Variants in GTF2F1 observed in about 807,000 individuals in gnomAD.
GTF2F1 encodes general transcription factor IIF subunit 1, also known as general transcription factor IIF 74 kDa subunit.
A neutral mutation model predicts 63.5 loss-of-function variants in GTF2F1; 39 were observed. That is an observed-to-expected ratio of 0.61 (90% CI 0.48 to 0.80). The LOEUF (loss-of-function observed/expected upper bound fraction) is 0.80. Ranked by LOEUF, GTF2F1 falls within the 30% of genes least tolerant of loss-of-function variation. The probability of loss-of-function intolerance (pLI) is 0.00; values close to 1 mark genes in which losing one functional copy is unlikely to be tolerated. For missense variants in GTF2F1, 657 were observed against 718.3 expected (o/e 0.91, Z 0.97); for synonymous variants, 287 against 285.3 (o/e 1.01, Z -0.06).
chr19:6,380,472 T>G lies in GTF2F1; in HGVS notation c.1363A>C (p.Thr455Pro), dbSNP rs747440550. The G allele has an allele frequency of 1.2e-6, 2 of 1,613,864 alleles. No individual in the cohort carries two copies. Among genetic ancestry groups the G allele is most frequent in the African/African-American group, 2.7e-5 (2 of 74,896 alleles). The change falls in exon 13 of 13, where the codon ACT (threonine) becomes CCT (proline). Residue 455 changes from threonine (T) to proline (P), a missense_variant. By Grantham distance (38) the Thr-to-Pro change is conservative (BLOSUM62 -1). This residue lies in a region of GTF2F1 where 55 missense variants were observed against 92.6 expected (regional missense o/e 0.59). Coordinates refer to ENST00000394456, the MANE Select transcript of GTF2F1 (RefSeq NM_002096.3). The surrounding 1 kb of genome is among the most constrained non-coding windows in gnomAD (Gnocchi z 5.3). ...AGGTAGCGGCGCACGGCATCCTCAG[T>G]CACCTGCACGTCGCTGAGGATGGGA... ...TTPNSGDVQVTEDAVRRYLTR... is the reference protein window; with the variant it reads ...TTPNSGDVQVPEDAVRRYLTR...
Position 6,383,027 on chromosome 19 carries a change from G to A in GTF2F1, c.682+284C>T, listed in dbSNP as rs182416135. On this transcript the variant is annotated intron_variant, in intron 6 of 12. Coordinates refer to ENST00000394456, the MANE Select transcript of GTF2F1 (RefSeq NM_002096.3). The surrounding 1 kb of genome is among the most constrained non-coding windows in gnomAD (Gnocchi z 4.5). ...AGCAATTCTCCTGCCTCAGTCTCCC[G>A]AGTAGCTGGCACTAGAGGCATGCAC... Among the ~76,000 whole-genome samples, 6 of 152,140 alleles carry A rather than the reference G, an allele frequency of 3.9e-5. No homozygotes were observed. Among genetic ancestry groups the A allele is most frequent in the Middle Eastern group, 3.4e-3 (1 of 294 alleles).
Position 6,380,600 on chromosome 19 carries a change from G to T in GTF2F1, c.1322C>A (p.Pro441Gln). 6.2e-7 allele frequency: 1 copy of T among 1,613,996 alleles called. No homozygotes were observed. The highest frequency in any genetic ancestry group is 8.5e-7 in the Non-Finnish European group (1 of 1,179,986). ...SLSGKSTPQP[P>Q]SGKTTPNSGD... ...GCTGTTGGGTGTTGTCTTGCCTGAT[G>T]GTGGCTGGGGTGTCGACTTCCCAGA... The change falls in exon 12 of 13, where the codon CCA becomes CAA. Residue 441 changes from proline to glutamine, a missense_variant. By Grantham distance (76) the Pro-to-Gln change is moderately conservative. Around this residue, in one of 2 missense-constraint regions of GTF2F1, gnomAD observed 602 missense variants for 625.6 expected, o/e 0.96. Transcript: ENST00000394456. This position sits in a 1 kb window ranked among gnomAD's most constrained non-coding sequence, Gnocchi z 5.3.
In GTF2F1 at chr19:6,381,353, C is replaced by G. The variant is rs759440788; in HGVS notation, c.1018+6G>C. On this transcript the variant is annotated splice_donor_region_variant and intron_variant, in intron 9 of 12. Transcript: ENST00000394456. The surrounding 1 kb of genome is among the most constrained non-coding windows in gnomAD (Gnocchi z 4.1). ...GCCTCCAATATGGGGGCCACATGCG[C>G]CGCACCTTTCCTGCGCTTCTTCTCC... 6.3e-7 allele frequency: 1 copy of G among 1,584,308 alleles called. No homozygotes were observed. Among genetic ancestry groups the G allele is most frequent in the Non-Finnish European group, 8.6e-7 (1 of 1,165,286 alleles).
chr19:6,389,804 A>G, intron 3 of GTF2F1, 167 bp from the exon 4 acceptor site: 4 of 587,310 alleles, frequency 6.8e-6, no homozygotes. Context: ...ATCTGGGTAA[A>G]GGGAATTTGG....
In GTF2F1 at chr19:6,383,599, G is replaced by T; in HGVS notation, c.498-104C>A. On this transcript the variant is annotated intron_variant, in intron 5 of 12. Coordinates refer to ENST00000394456, the MANE Select transcript of GTF2F1 (RefSeq NM_002096.3). The surrounding 1 kb of genome is among the most constrained non-coding windows in gnomAD (Gnocchi z 4.5). ...GCACCACCCACATAGCCTTCAAGGT[G>T]ATGTGGCCCCCGGGGACTTGGGCTG... The T allele has an allele frequency of 1.6e-6, 2 of 1,226,280 alleles. No homozygotes were observed. The highest frequency in any genetic ancestry group is 1.2e-6 in the Non-Finnish European group (1 of 865,676). The allele number at this position is 1,226,280 out of a possible 1,614,324, so 76.0% of individuals were successfully genotyped here. A position where few individuals can be genotyped will look rare whatever the true frequency, so the allele number is the denominator to read the frequency against.
chr19:6,382,488 C>T (rs1164223564), intron 6 of GTF2F1, among the ~76,000 whole-genome samples: 4 of 151,924 alleles, frequency 2.6e-5, no homozygotes, highest in African/African-American at 9.7e-5. Context: ...AAAAATTAGC[C>T]AGCATGGTGG....
intron 4 of GTF2F1, among the ~76,000 whole-genome samples, chr19:6,387,819 G>A (rs1428921484): frequency 6.6e-6 from 1 of 150,798 alleles, no homozygotes; most frequent in African/African-American, 2.4e-5. Context: ...GATTATCTCA[G>A]GAGAGCCCAA....
chr19:6,383,417 C>T lies in GTF2F1; in HGVS notation c.576G>A (p.Glu192=). The T allele has an allele frequency of 6.2e-7, 1 of 1,614,262 alleles. No individual in the cohort carries two copies. Among genetic ancestry groups the T allele is most frequent in the Non-Finnish European group, 8.5e-7 (1 of 1,180,052 alleles). The change falls in exon 6 of 13, where the codon GAG becomes GAA. Residue 192 remains glutamate, a synonymous_variant. Transcript: ENST00000394456. The surrounding 1 kb of genome is among the most constrained non-coding windows in gnomAD (Gnocchi z 4.5). The part of the protein sequence containing the change: ...LKDQDQDEDE[E]EKEKRGRRKA... ...TCCTGCGGCCACGTTTCTCCTTCTC[C>T]TCCTCATCCTCGTCCTGGTCCTGAT... is the stretch of plus-strand genomic sequence containing the variant.
Position 6,380,246 on chromosome 19 carries a change from G to A in GTF2F1, c.*35C>T. 1 of 1,567,952 alleles carries A rather than the reference G, an allele frequency of 6.4e-7. No homozygotes were observed. The highest frequency in any genetic ancestry group is 1.1e-5 in the South Asian group (1 of 90,190). ...GGCGAAGGGGCAGTGAGAGCCTTAA[G>A]TTCTGGGGGGCAGAGCCATGTATTG... On this transcript the variant is annotated 3_prime_UTR_variant, in exon 13 of 13. Coordinates refer to ENST00000394456, the MANE Select transcript of GTF2F1 (RefSeq NM_002096.3). The surrounding 1 kb of genome is among the most constrained non-coding windows in gnomAD (Gnocchi z 5.3).
rs148016023 is a variant in GTF2F1 at position 6,387,414 on chromosome 19, C to T, written c.472G>A (p.Glu158Lys). The T allele has an allele frequency of 6.2e-6, 10 of 1,614,198 alleles. No individual in the cohort carries two copies. The East Asian group carries it at 8.9e-5, about 14-fold the overall frequency. Residue 158 changes from glutamate (E) to lysine (K), a missense_variant, in exon 5 of 13, where the codon GAG becomes AAG. By Grantham distance (56) the Glu-to-Lys change is moderately conservative. Around this residue, in one of 2 missense-constraint regions of GTF2F1, gnomAD observed 602 missense variants for 625.6 expected, o/e 0.96. Transcript: ENST00000394456. ...PLARHRTLTA[E>K]EAEEEWERRN... ...CTCTCCCACTCCTCCTCGGCCTCCT[C>T]GGCAGTGAGCGTGCGATGCCGGGCC...
intron 6 of GTF2F1, among the ~76,000 whole-genome samples, chr19:6,382,055 G>A (rs34695328): frequency 0.093 from 14,184 of 151,780 alleles, 900 homozygotes; most frequent in Non-Finnish European, 0.14. Flanking sequence ...CTTCTCTAGC[G>A]CTCACAGACC....
At position 6,380,853 on chromosome 19, in the gene GTF2F1, C is replaced by A; in HGVS notation, c.1231+51G>T. 1 of 1,520,910 alleles carries A rather than the reference C, an allele frequency of 6.6e-7. No individual in the cohort carries two copies. Among genetic ancestry groups the A allele is most frequent in the South Asian group, 1.3e-5 (1 of 79,950 alleles). The allele number at this position is 1,520,910 out of a possible 1,614,324, so 94.2% of individuals were successfully genotyped here. ...CTCTGTCCTGAGCCCCAACAGAGGT[C>A]AGGAGGCTGTGGCTGTGGCTGTGGG... On this transcript the variant is annotated intron_variant, in intron 11 of 12. Transcript: ENST00000394456. This position sits in a 1 kb window ranked among gnomAD's most constrained non-coding sequence, Gnocchi z 5.3.
chr19:6,389,653 GCAAAGCCT>G lies in GTF2F1; in HGVS notation c.133-24_133-17del. ...CCAGCCGAGCCTAGGGGAGCAGGAA[GCAAAGCCT>G]CTCAGGGTCCCTGGCTTTGCTTGCG... On this transcript the variant is annotated splice_polypyrimidine_tract_variant and intron_variant, in intron 3 of 12. Transcript: ENST00000394456. 1 of 1,610,238 alleles carries G rather than the reference GCAAAGCCT, an allele frequency of 6.2e-7. No individual in the cohort carries two copies. Among genetic ancestry groups the G allele is most frequent in the South Asian group, 1.1e-5 (1 of 91,026 alleles).
At chr19:6,385,710 C>T (rs927614585) in intron 5 of GTF2F1, among the ~76,000 whole-genome samples, 3 of 152,114 alleles carry the variant, frequency 2.0e-5, no homozygotes, top group East Asian at 1.9e-4. Context: ...GCTCTGACTT[C>T]GTGCCATTTA....
At chr19:6,387,705 C>A in intron 4 of GTF2F1, 146 bp from the exon 5 acceptor site, 1 of 640,716 alleles carries the variant, frequency 1.6e-6, no homozygotes, top group Non-Finnish European at 2.7e-6. Flanking sequence ...CTTCAACCAC[C>A]TGGGCCTCGT....
rs767218007 is a variant in GTF2F1 at position 6,381,354 on chromosome 19, C to T, written c.1018+5G>A. On this transcript the variant is annotated splice_donor_5th_base_variant and intron_variant, in intron 9 of 12. Transcript: ENST00000394456. The surrounding 1 kb of genome is among the most constrained non-coding windows in gnomAD (Gnocchi z 4.1). ...CCTCCAATATGGGGGCCACATGCGC[C>T]GCACCTTTCCTGCGCTTCTTCTCCT... is the stretch of plus-strand genomic sequence containing the variant. 7.1e-5 allele frequency: 112 copies of T among 1,585,752 alleles called. No individual in the cohort carries two copies. Among genetic ancestry groups the T allele is most frequent in the South Asian group, 2.4e-4 (21 of 88,384 alleles).
Position 6,387,373 on chromosome 19 carries a change from C to T in GTF2F1, c.497+16G>A, listed in dbSNP as rs367869145. Reference sequence around the variant, plus strand: ...TTCCCTCACTTCTGTCCCCAGCCACCACCCAGCCCACTCACCTCTCCCACT... The same window carrying T: ...TTCCCTCACTTCTGTCCCCAGCCACTACCCAGCCCACTCACCTCTCCCACT... On this transcript the variant is annotated intron_variant, in intron 5 of 12. Transcript: ENST00000394456. The T allele has an allele frequency of 6.2e-6, 10 of 1,611,982 alleles. No homozygotes were observed. The Admixed American group carries it at 1.5e-4, about 24-fold the overall frequency.
Position 6,381,107 on chromosome 19 carries a change from C to A in GTF2F1, c.1092+15G>T. The A allele has an allele frequency of 6.2e-7, 1 of 1,609,916 alleles. No homozygotes were observed. Among genetic ancestry groups the A allele is most frequent in the Non-Finnish European group, 8.5e-7 (1 of 1,178,304 alleles). ...CAGACGCCCAGGCCTCCCCCGCCAC[C>A]GGGCTGGGCCTTACCGCCATGAAGA... On this transcript the variant is annotated intron_variant, in intron 10 of 12. Transcript: ENST00000394456. The surrounding 1 kb of genome is among the most constrained non-coding windows in gnomAD (Gnocchi z 4.1).
At chr19:6,390,625 G>C (rs1361368064) in intron 3 of GTF2F1, among the ~76,000 whole-genome samples, 4 of 149,540 alleles carry the variant, frequency 2.7e-5, no homozygotes, top group Non-Finnish European at 5.9e-5. Flanking sequence ...AAAATAAAAA[G>C]GCTGGGCATG....
Sources: gnomAD v4.1 joint callset for allele counts (sites outside exome capture counted in the v4.1 genomes callset) on GRCh38, gnomAD v4.1.1 for gene constraint, gnomAD v4.1.1 regional missense constraint, Gnocchi (gnomAD v3.1) non-coding constraint, MANE v1.5 for transcripts, NCBI Gene and HGNC (gene_info 2026-07-23, HGNC 2026-07-21) for gene names.